ABCA13: variants seen among roughly 807,000 people sequenced by gnomAD.
ABCA13 encodes the protein ATP-binding cassette sub-family A member 13.
ABCA13 carries 476 observed loss-of-function variants against 478.7 expected under a neutral mutation model. That is an observed-to-expected ratio of 0.99 (90% CI 0.92 to 1.07). The LOEUF is 1.07. Among genes scored for constraint, ABCA13 ranks in the 50% least tolerant of loss-of-function variants. The pLI is 0.00. For missense variants in ABCA13, 6,060 were observed against 5,910.6 expected, an observed-to-expected ratio of 1.03 and a Z score of -0.83; for synonymous variants, 2,252 against 2,158.9, an observed-to-expected ratio of 1.04 and a Z score of -1.20.
chr7:48,416,699 G>A lies in ABCA13; in HGVS notation c.12459+4116G>A, dbSNP rs180689653. ...CCTGCAGGCGCTCCCAGAGGACAAGGCTGGAGCTGCAACCTGGGTGTGTCT... is the reference window on the plus strand; with the variant it reads ...CCTGCAGGCGCTCCCAGAGGACAAGACTGGAGCTGCAACCTGGGTGTGTCT... On this transcript the variant is annotated intron_variant, in intron 41 of 61. Transcript: ENST00000435803. Among the ~76,000 whole-genome samples, 133 of 152,172 alleles carry A rather than the reference G, an allele frequency of 8.7e-4. 1 individual carries two copies. Among genetic ancestry groups the A allele is most frequent in the African/African-American group, 3.0e-3 (126 of 41,536 alleles).
intron 3 of ABCA13, among the ~76,000 whole-genome samples, chr7:48,214,361 G>C (rs1207768026): frequency 6.6e-6 from 1 of 152,088 alleles, no homozygotes. Context: ...TAGGATTTTT[G>C]GAATGGTAAA....
At position 48,511,177 on chromosome 7, in the gene ABCA13, G is replaced by A. The variant is rs567156729; in HGVS notation, c.13618G>A (p.Ala4540Thr). 3.1e-6 allele frequency: 5 copies of A among 1,612,954 alleles called. No homozygotes were observed. In the South Asian group the frequency reaches 4.4e-5, roughly 14 times the overall value. ...FTFRKNLAAT[A>T]LLLSLFGYAT... Reference sequence around the variant, plus strand: ...TTTCCGCAAGAACTTGGCAGCCACGGCCCTCCTGCTGTCACTTTTCGGGTA... The same window carrying A: ...TTTCCGCAAGAACTTGGCAGCCACGACCCTCCTGCTGTCACTTTTCGGGTA... The change falls in exon 51 of 62, where the codon GCC becomes ACC. Residue 4540 changes from alanine to threonine, a missense_variant. Ala to Thr is a moderately conservative substitution (Grantham distance 58). Transcript: ENST00000435803.
Position 48,289,145 on chromosome 7 carries a change from G to C in ABCA13, c.8955+1067G>C, listed in dbSNP as rs144251175. Among the ~76,000 whole-genome samples, 11 of 152,232 alleles carry C rather than the reference G, an allele frequency of 7.2e-5. No homozygotes were observed. In the East Asian group the frequency reaches 2.1e-3, roughly 29 times the overall value. On this transcript the variant is annotated intron_variant, in intron 20 of 61. Coordinates refer to ENST00000435803, the MANE Select transcript of ABCA13 (RefSeq NM_152701.5). The stretch of plus-strand genomic sequence containing the variant: ...CATGCCTTGGTGAAGTGTCAGGAGG[G>C]AGTGAGAGCTGCTGATCTCTAATCA...
At chr7:48,644,541 T>G in intron 60 of ABCA13, 76 bp from the exon 61 acceptor site, 1 of 1,462,708 alleles carries the variant, frequency 6.8e-7, no homozygotes, top group Non-Finnish European at 9.2e-7. Flanking sequence ...TTTTTGCCAA[T>G]TAAATGTAGT....
At chr7:48,444,635 T>C (rs1317888999) in intron 42 of ABCA13, among the ~76,000 whole-genome samples, 1 of 152,134 alleles carries the variant, frequency 6.6e-6, no homozygotes. Context: ...TCTTTATTCT[T>C]CTGAGGGGTC....
At chr7:48,254,571 CATT>C (rs1444192851) in intron 15 of ABCA13, among the ~76,000 whole-genome samples, 1 of 152,130 alleles carries the variant, frequency 6.6e-6, no homozygotes, top group Non-Finnish European at 1.5e-5. Flanking sequence ...GCATTTCAGA[CATT>C]ATATGTAGAG....
chr7:48,400,585 T>C (rs1291052390), intron 38 of ABCA13, among the ~76,000 whole-genome samples: 3 of 152,176 alleles, frequency 2.0e-5, no homozygotes, highest in Admixed American at 1.3e-4. Flanking sequence ...TTAAAAAAAA[T>C]TCAACAGATT....
intron 4 of ABCA13, among the ~76,000 whole-genome samples, 176 bp downstream of exon 4, chr7:48,219,681 G>A (rs1787053897): frequency 1.3e-5 from 2 of 152,046 alleles, no homozygotes. Flanking sequence ...GGGTGGAGCT[G>A]GATTCTCTCT....
chr7:48,618,703 T>C (rs920215580), intron 59 of ABCA13, among the ~76,000 whole-genome samples: 6 of 152,138 alleles, frequency 3.9e-5, no homozygotes, highest in African/African-American at 1.4e-4. Flanking sequence ...TAGTGGGCTG[T>C]GCAGCATAGG....
In ABCA13 at chr7:48,556,546, G is replaced by A. The variant is rs75183083; in HGVS notation, c.14355-23678G>A. On this transcript the variant is annotated intron_variant, in intron 55 of 61. Coordinates refer to ENST00000435803, the MANE Select transcript of ABCA13 (RefSeq NM_152701.5). The stretch of plus-strand genomic sequence containing the variant: ...TTCTTGCTGAATTGACCCTTTTATC[G>A]TGATGTAATGACCTTCTTTGTCTCT... Among the ~76,000 whole-genome samples the A allele has an allele frequency of 6.5e-3, 979 of 151,756 alleles. 10 individuals are homozygous for A. The highest frequency in any genetic ancestry group is 0.022 in the African/African-American group (901 of 41,456).
intron 56 of ABCA13, among the ~76,000 whole-genome samples, chr7:48,585,546 A>T (rs186955151): frequency 7.2e-5 from 11 of 152,256 alleles, no homozygotes; most frequent in African/African-American, 2.6e-4. Context: ...CTGTTGAAAG[A>T]TTTTACTGGG....
intron 56 of ABCA13, among the ~76,000 whole-genome samples, chr7:48,585,253 G>A (rs1789072518): frequency 6.6e-6 from 1 of 152,066 alleles, no homozygotes; most frequent in African/African-American, 2.4e-5. Flanking sequence ...TTCAACTTGT[G>A]ATAATTAAAA....
chr7:48,222,832 G>A (rs1011781760), intron 5 of ABCA13, among the ~76,000 whole-genome samples: 2 of 152,134 alleles, frequency 1.3e-5, no homozygotes, highest in Non-Finnish European at 2.9e-5. Flanking sequence ...GAGGAATGGT[G>A]GGACTTGAGT....
At chr7:48,402,090 G>A (rs1395979632) in intron 38 of ABCA13, among the ~76,000 whole-genome samples, 6 of 152,156 alleles carry the variant, frequency 3.9e-5, no homozygotes, top group Admixed American at 2.6e-4. Context: ...TCAATGCCAG[G>A]TGTATGAAGA....
At chr7:48,551,911 G>T (rs1259305920) in intron 55 of ABCA13, among the ~76,000 whole-genome samples, 1 of 151,658 alleles carries the variant, frequency 6.6e-6, no homozygotes, top group African/African-American at 2.4e-5. Flanking sequence ...CAGTCAGCAT[G>T]CAATGGAGAG....
At chr7:48,290,849 A>G (rs1798406225) in intron 20 of ABCA13, among the ~76,000 whole-genome samples, 1 of 151,074 alleles carries the variant, frequency 6.6e-6, no homozygotes, top group African/African-American at 2.4e-5. Flanking sequence ...GATATGCTAC[A>G]AAAAGGGATC....
At chr7:48,184,185 G>T (rs1318845055) in intron 1 of ABCA13, among the ~76,000 whole-genome samples, 1 of 152,138 alleles carries the variant, frequency 6.6e-6, no homozygotes, top group Non-Finnish European at 1.5e-5. Flanking sequence ...ATTTGCATCT[G>T]CTTGAGTACT....
rs763951613 is a variant in ABCA13 at position 48,276,392 on chromosome 7, G to C, written c.6726G>C (p.Leu2242Phe). The C allele has an allele frequency of 9.0e-6, 14 of 1,556,014 alleles. No homozygotes were observed. Among genetic ancestry groups the C allele is most frequent in the Middle Eastern group, 1.7e-4 (1 of 5,774 alleles). The change falls in exon 17 of 62, where the codon TTG becomes TTC. Residue 2242 changes from leucine to phenylalanine, a missense_variant. Physicochemically the swap from Leu to Phe is conservative, Grantham distance 22. This residue lies in a region of ABCA13 where 4,423 missense variants were observed against 4,309.1 expected (regional missense o/e 1.03). Coordinates refer to ENST00000435803, the MANE Select transcript of ABCA13 (RefSeq NM_152701.5). ...LQIMNFINLI[L>F]NHMQSETSRK... ...TAATGAATTTCATTAACCTTATCTTGAACCATATGCAGTCAGAAACTAGTA... is the reference window on the plus strand; with the variant it reads ...TAATGAATTTCATTAACCTTATCTTCAACCATATGCAGTCAGAAACTAGTA...
Position 48,274,589 on chromosome 7 carries a change from C to T in ABCA13, c.4923C>T (p.Ser1641=). 1 of 1,613,896 alleles carries T rather than the reference C, an allele frequency of 6.2e-7. No homozygotes were observed. The highest frequency in any genetic ancestry group is 2.2e-5 in the East Asian group (1 of 44,870). The change falls in exon 17 of 62, where the codon TCC becomes TCT. Residue 1641 remains serine, a synonymous_variant. Transcript: ENST00000435803. ...AACTGATAAGGGATGTGTTCAACTC[C>T]TTAATGCCTGTAGTTCATCACACTA... is the stretch of plus-strand genomic sequence containing the variant. ...GIQLIRDVFN[S]LMPVVHHTSP...
Sources: allele counts gnomAD v4.1 joint callset (sites outside exome capture counted in the v4.1 genomes callset), GRCh38; gene constraint gnomAD v4.1.1; regional missense constraint gnomAD v4.1.1; transcripts MANE v1.5; gene names NCBI Gene and HGNC (gene_info 2026-07-23, HGNC 2026-07-21).